STK32B: variants seen among roughly 807,000 people sequenced by gnomAD.
The protein encoded by STK32B is serine/threonine kinase 32B.
Under a neutral mutation model 52.6 loss-of-function variants are expected in STK32B, and 43 were observed. The observed-to-expected ratio is 0.82, with a 90% confidence interval of 0.64 to 1.05. The LOEUF (loss-of-function observed/expected upper bound fraction) is 1.05. Among genes scored for constraint, STK32B ranks in the 50% least tolerant of loss-of-function variants. The pLI, the probability that STK32B is intolerant of heterozygous loss-of-function variation, is 0.00. For missense variants in STK32B, 621 were observed against 534.6 expected, an observed-to-expected ratio of 1.16 and a Z score of -1.59; for synonymous variants, 238 against 204.3, an observed-to-expected ratio of 1.17 and a Z score of -1.41.
chr4:5,465,396 C>G lies in STK32B; in HGVS notation c.910-1307C>G, dbSNP rs28435848. Among the ~76,000 whole-genome samples the G allele has an allele frequency of 8.0e-3, 1,217 of 152,192 alleles. 18 individuals are homozygous for G. The highest frequency in any genetic ancestry group is 0.028 in the African/African-American group (1,162 of 41,518). On this transcript the variant is annotated intron_variant, in intron 9 of 11. Coordinates refer to ENST00000282908, the MANE Select transcript of STK32B (RefSeq NM_018401.3). ...CCAGTTCTGTCTGCAAAGTCCCTGTCTTCCTCCTGCCCCCAGGTCATGGCA... is the reference window on the plus strand; with the variant it reads ...CCAGTTCTGTCTGCAAAGTCCCTGTGTTCCTCCTGCCCCCAGGTCATGGCA...
At chr4:5,293,193 G>T (rs749017078) in intron 3 of STK32B, among the ~76,000 whole-genome samples, 1 of 151,958 alleles carries the variant, frequency 6.6e-6, no homozygotes, top group African/African-American at 2.4e-5. Context: ...GTCTATCATT[G>T]TTGGGCTTTT....
At chr4:5,364,405 G>C (rs1462614556) in intron 4 of STK32B, among the ~76,000 whole-genome samples, 2 of 152,210 alleles carry the variant, frequency 1.3e-5, no homozygotes, top group East Asian at 3.8e-4. Context: ...AGCTTCATTT[G>C]TCAAACATGC....
chr4:5,065,495 C>T (rs549984664), intron 1 of STK32B, among the ~76,000 whole-genome samples: 1 of 152,230 alleles, frequency 6.6e-6, no homozygotes, highest in East Asian at 1.9e-4. Flanking sequence ...CCCTGGACAC[C>T]ATCCCGCTGA....
At chr4:5,321,012 T>C (rs548709964) in intron 3 of STK32B, among the ~76,000 whole-genome samples, 94 of 152,272 alleles carry the variant, frequency 6.2e-4, no homozygotes, top group Admixed American at 4.3e-3. Context: ...CAGAAGAGTA[T>C]GCACTGTGTA....
At chr4:5,068,294 G>C (rs564946154) in intron 1 of STK32B, among the ~76,000 whole-genome samples, 42 of 152,088 alleles carry the variant, frequency 2.8e-4, no homozygotes, top group African/African-American at 9.4e-4. Flanking sequence ...TTCTTCCCCC[G>C]TCTGAGTCTC....
intron 3 of STK32B, among the ~76,000 whole-genome samples, chr4:5,301,969 T>C (rs1314541185): frequency 2.0e-5 from 3 of 151,502 alleles, no homozygotes; most frequent in Non-Finnish European, 4.4e-5. Flanking sequence ...CTTTGTAATT[T>C]TTTTATATGT....
At chr4:5,305,755 G>GT (rs1489826217) in intron 3 of STK32B, among the ~76,000 whole-genome samples, 1 of 151,964 alleles carries the variant, frequency 6.6e-6, no homozygotes, top group Non-Finnish European at 1.5e-5. Flanking sequence ...GTTGGGTTTG[G>GT]TTTTTTCTTG....
intron 5 of STK32B, among the ~76,000 whole-genome samples, chr4:5,404,426 A>G (rs1737516889): frequency 6.6e-6 from 1 of 152,278 alleles, no homozygotes; most frequent in South Asian, 2.1e-4. Context: ...GCCCATTTCA[A>G]TATGACTTCA....
rs138777435 is a variant in STK32B at position 5,391,248 on chromosome 4, C to T, written c.435-6959C>T. Among the ~76,000 whole-genome samples the T allele has an allele frequency of 4.1e-3, 618 of 152,206 alleles. 3 individuals are homozygous for T. Among genetic ancestry groups the T allele is most frequent in the Non-Finnish European group, 7.3e-3 (494 of 68,004 alleles). On this transcript the variant is annotated intron_variant, in intron 4 of 11. Coordinates refer to ENST00000282908, the MANE Select transcript of STK32B (RefSeq NM_018401.3). ...GTGCTGGAATTACAGGTGTGAGCCA[C>T]GGTGCCTGGCCTGTTTTCTCTCTTC...
At chr4:5,479,623 C>G (rs1718523249) in intron 11 of STK32B, among the ~76,000 whole-genome samples, 1 of 152,170 alleles carries the variant, frequency 6.6e-6, no homozygotes, top group Non-Finnish European at 1.5e-5. Flanking sequence ...ATGGGATGGG[C>G]TGCCTTGGGA....
chr4:5,433,894 T>A (rs1713807238), intron 6 of STK32B, among the ~76,000 whole-genome samples: 1 of 152,250 alleles, frequency 6.6e-6, no homozygotes, highest in Admixed American at 6.5e-5. Flanking sequence ...CATGCACATC[T>A]ACATTTCTGA....
chr4:5,320,317 G>C (rs1731404406), intron 3 of STK32B, among the ~76,000 whole-genome samples: 1 of 152,128 alleles, frequency 6.6e-6, no homozygotes, highest in African/African-American at 2.4e-5. Flanking sequence ...GAACGCCTCT[G>C]CACTTAACAT....
At chr4:5,035,018 G>A in the STK32B span, among the ~76,000 whole-genome samples, 1 of 152,162 alleles carries the variant, frequency 6.6e-6, no homozygotes, top group Non-Finnish European at 1.5e-5. Flanking sequence ...GTACCTCCCT[G>A]ATGTCTGGAA....
chr4:5,471,045 A>G (rs1717815498), intron 11 of STK32B, among the ~76,000 whole-genome samples: 1 of 152,212 alleles, frequency 6.6e-6, no homozygotes, highest in Non-Finnish European at 1.5e-5. Flanking sequence ...CTCCTGCAGA[A>G]TATGCAGGGG....
At chr4:5,438,534 C>T (rs1004814638) in intron 6 of STK32B, among the ~76,000 whole-genome samples, 2 of 152,304 alleles carry the variant, frequency 1.3e-5, no homozygotes, top group African/African-American at 4.8e-5. Flanking sequence ...GTTTGGGTAA[C>T]TGATGGACGA....
In STK32B at chr4:5,140,920, C is replaced by T. The variant is rs116898587; in HGVS notation, c.108+960C>T. Among the ~76,000 whole-genome samples, 60 of 151,900 alleles carry T rather than the reference C, an allele frequency of 3.9e-4. 1 individual carries two copies. The East Asian group carries it at 0.01, about 25-fold the overall frequency. On this transcript the variant is annotated intron_variant, in intron 2 of 11. Transcript: ENST00000282908. ...TTATATTTAAAAAATGAGAGAGATG[C>T]GAAACAGATAATTGTATACCTTTAT...
At chr4:5,415,877 A>G (rs985124466) in intron 5 of STK32B, among the ~76,000 whole-genome samples, 5 of 152,082 alleles carry the variant, frequency 3.3e-5, no homozygotes, top group African/African-American at 1.2e-4. Flanking sequence ...CACCTGCTCC[A>G]GAATGTGTTT....
intron 6 of STK32B, among the ~76,000 whole-genome samples, chr4:5,436,163 C>A (rs1714058619): frequency 1.3e-5 from 2 of 152,120 alleles, no homozygotes; most frequent in Non-Finnish European, 1.5e-5. Context: ...TTGTGTTCCA[C>A]CAAAAATTAA....
intron 1 of STK32B, among the ~76,000 whole-genome samples, chr4:5,057,326 C>T (rs545439096): frequency 7.2e-5 from 11 of 152,274 alleles, no homozygotes; most frequent in East Asian, 1.9e-4. Context: ...GGTTTTTCAG[C>T]GTGGACCCTA....
Sources: gnomAD v4.1 joint callset for allele counts (sites outside exome capture counted in the v4.1 genomes callset) on GRCh38, gnomAD v4.1.1 for gene constraint, MANE v1.5 for transcripts, NCBI Gene and HGNC (gene_info 2026-07-23, HGNC 2026-07-21) for gene names.